The following ZNF317 variants were observed in gnomAD, a reference collection of about 807,000 sequenced individuals.
ZNF317 encodes the protein zinc finger protein 317.
A neutral mutation model predicts 23.4 loss-of-function variants in ZNF317; 17 were observed. The observed-to-expected ratio is 0.73, with a 90% confidence interval of 0.50 to 1.09. ZNF317 has a LOEUF of 1.09. Ranked by LOEUF, ZNF317 falls within the 50% of genes least tolerant of loss-of-function variation. ZNF317 has a pLI of 0.00. For missense variants in ZNF317, 679 were observed against 796.7 expected (o/e 0.85, Z 1.78); for synonymous variants, 317 against 314.9 (o/e 1.01, Z -0.07).
intron 3 of ZNF317, 81 bp from the exon 4 acceptor site, chr19:9,157,187 C>G (rs2050792823): frequency 6.4e-7 from 1 of 1,556,560 alleles, no homozygotes; most frequent in Non-Finnish European, 8.7e-7. Flanking sequence ...TCTCTCATGC[C>G]CGGTCTTCAA....
chr19:9,157,429 A>C (rs758979534), intron 4 of ZNF317, 35 bp downstream of exon 4: 2 of 1,612,424 alleles, frequency 1.2e-6, no homozygotes, highest in South Asian at 2.2e-5. Flanking sequence ...TTATTCATCC[A>C]TGAATTAGAT....
chr19:9,150,401 A>G (rs1454059634), intron 1 of ZNF317, among the ~76,000 whole-genome samples: 3 of 152,154 alleles, frequency 2.0e-5, no homozygotes, highest in Admixed American at 2.0e-4. Context: ...GTTTTGATGA[A>G]CTGACTCTTG....
chr19:9,157,920 C>T lies in ZNF317; in HGVS notation c.290-60C>T, dbSNP rs536738931. 524 of 1,525,044 alleles carry T rather than the reference C, an allele frequency of 3.4e-4. 6 individuals carry two copies. In the South Asian group the frequency reaches 6.3e-3, roughly 18 times the overall value. The allele number at this position is 1,525,044 out of a possible 1,614,324, so 94.5% of individuals were successfully genotyped here. ...AGACCCAAGTGTTGAGCCCAGGCTA[C>T]TGGAAGGGGTTGTCCTCTGCATGGC... is the stretch of plus-strand genomic sequence containing the variant. On this transcript the variant is annotated intron_variant, in intron 4 of 6. Coordinates refer to ENST00000247956, the MANE Select transcript of ZNF317 (RefSeq NM_020933.5).
At chr19:9,156,165 G>A (rs911402300) in intron 2 of ZNF317, 124 bp downstream of exon 2, 1 of 1,299,118 alleles carries the variant, frequency 7.7e-7, no homozygotes, top group Non-Finnish European at 1.1e-6. Flanking sequence ...TGGAAAAGGG[G>A]TGGGAACAGA....
At chr19:9,149,847 G>A (rs1042130224) in intron 1 of ZNF317, among the ~76,000 whole-genome samples, 1 of 152,126 alleles carries the variant, frequency 6.6e-6, no homozygotes, top group African/African-American at 2.4e-5. Flanking sequence ...ACAGCAGCTG[G>A]GAGACCAGTT....
intron 1 of ZNF317, among the ~76,000 whole-genome samples, chr19:9,153,977 T>A (rs1321170909): frequency 6.6e-6 from 1 of 152,084 alleles, no homozygotes; most frequent in Non-Finnish European, 1.5e-5. Context: ...CAAGATGGGA[T>A]AGACCTGAGC....
At chr19:9,156,540 T>G in intron 2 of ZNF317, 72 bp from the exon 3 acceptor site, 1 of 1,551,940 alleles carries the variant, frequency 6.4e-7, no homozygotes, top group Non-Finnish European at 8.7e-7. Context: ...TGGAGCAGTT[T>G]CCTGGTTTAC....
intron 2 of ZNF317, 54 bp downstream of exon 2, chr19:9,156,095 C>T (rs1243154767): frequency 6.2e-7 from 1 of 1,606,236 alleles, no homozygotes; most frequent in Non-Finnish European, 8.5e-7. Flanking sequence ...GTGGCCCCTG[C>T]CACTTGATGG....
chr19:9,152,653 C>T (rs1397294881), intron 1 of ZNF317, among the ~76,000 whole-genome samples: 1 of 152,208 alleles, frequency 6.6e-6, no homozygotes, highest in East Asian at 1.9e-4. Flanking sequence ...CAGGAAAACA[C>T]TCTCAGGGCT....
chr19:9,146,448 C>G (rs1220533935), intron 1 of ZNF317, among the ~76,000 whole-genome samples: 1 of 137,682 alleles, frequency 7.3e-6, no homozygotes, highest in Non-Finnish European at 1.5e-5. Context: ...TTTTTTGAGG[C>G]AGTGTCTCAT....
At chr19:9,141,128 G>A (rs1026188604) in intron 1 of ZNF317, among the ~76,000 whole-genome samples, 1 of 151,902 alleles carries the variant, frequency 6.6e-6, no homozygotes, top group Non-Finnish European at 1.5e-5. Context: ...TCAACATTTT[G>A]TTAATTAACT....
Position 9,161,099 on chromosome 19 carries a change from A to C in ZNF317, c.1454A>C (p.Asp485Ala). The C allele has an allele frequency of 6.2e-7, 1 of 1,614,228 alleles. No homozygotes were observed. Among genetic ancestry groups the C allele is most frequent in the African/African-American group, 1.3e-5 (1 of 75,064 alleles). ...GCCGCCTGCGGGAAAGTCTTCGGTG[A>C]CTATTTATCCCGGCGGAGGCACATG... ...ECAACGKVFG[D>A]YLSRRRHMSV... Residue 485 changes from aspartate to alanine, a missense_variant, in exon 7 of 7, where the codon GAC (aspartate) becomes GCC (alanine). Coordinates refer to ENST00000247956, the MANE Select transcript of ZNF317 (RefSeq NM_020933.5). The surrounding 1 kb of genome is among the most constrained non-coding windows in gnomAD (Gnocchi z 4.0).
In ZNF317 at chr19:9,160,427, A is replaced by G; in HGVS notation, c.782A>G (p.Asp261Gly). 6.2e-7 allele frequency: 1 copy of G among 1,613,734 alleles called. No individual in the cohort carries two copies. Among genetic ancestry groups the G allele is most frequent in the Non-Finnish European group, 8.5e-7 (1 of 1,179,904 alleles). The change falls in exon 7 of 7, where the codon GAC (aspartate) becomes GGC (glycine). Residue 261 changes from aspartate (D) to glycine (G), a missense_variant. Coordinates refer to ENST00000247956, the MANE Select transcript of ZNF317 (RefSeq NM_020933.5). The surrounding 1 kb of genome is among the most constrained non-coding windows in gnomAD (Gnocchi z 6.8). ...ECSDCGKAFNDPSALRSHART... is the reference protein window; with the variant it reads ...ECSDCGKAFNGPSALRSHART... ...AGCGACTGCGGGAAAGCCTTCAACG[A>G]CCCTTCAGCCCTTAGGAGCCACGCA...
chr19:9,156,254 A>G (rs1355344773), intron 2 of ZNF317, among the ~76,000 whole-genome samples: 1 of 152,172 alleles, frequency 6.6e-6, no homozygotes, highest in Non-Finnish European at 1.5e-5. Context: ...CTTATCATTC[A>G]TGCATGAAGA....
At chr19:9,150,096 G>A in intron 1 of ZNF317, among the ~76,000 whole-genome samples, 1 of 152,296 alleles carries the variant, frequency 6.6e-6, no homozygotes, top group Non-Finnish European at 1.5e-5. Flanking sequence ...GGGGAGGCTG[G>A]TGGCAGCACA....
At position 9,161,707 on chromosome 19, in the gene ZNF317, A is replaced by G. The variant is rs1473030762; in HGVS notation, c.*274A>G. 9 of 397,940 alleles carry G rather than the reference A, an allele frequency of 2.3e-5. No individual in the cohort carries two copies. 24.7% of individuals were successfully genotyped at this position (397,940 alleles called of 1,614,324 possible). On this transcript the variant is annotated 3_prime_UTR_variant, in exon 7 of 7. Coordinates refer to ENST00000247956, the MANE Select transcript of ZNF317 (RefSeq NM_020933.5). The surrounding 1 kb of genome is among the most constrained non-coding windows in gnomAD (Gnocchi z 4.0). ...AACAAACACAGGAGGACTTAATGGC[A>G]GCTTGGCATTTAATGTCAAAATCCA...
rs2050777283 is a variant in ZNF317 at position 9,155,907 on chromosome 19, T to C, written c.-92-18T>C. On this transcript the variant is annotated intron_variant, in intron 1 of 6. Coordinates refer to ENST00000247956, the MANE Select transcript of ZNF317 (RefSeq NM_020933.5). Reference sequence around the variant, plus strand: ...AGATAGCCTTTCACTACTCCCGATGTTCTTTCATTTGCTACAGATGCCAGC... The same window carrying C: ...AGATAGCCTTTCACTACTCCCGATGCTCTTTCATTTGCTACAGATGCCAGC... The C allele has an allele frequency of 7.3e-7, 1 of 1,372,126 alleles. No individual in the cohort carries two copies. Among genetic ancestry groups the C allele is most frequent in the African/African-American group, 1.4e-5 (1 of 70,202 alleles). 85.0% of individuals were successfully genotyped at this position (1,372,126 alleles called of 1,614,324 possible). A position where few individuals can be genotyped will look rare whatever the true frequency, so the allele number is the denominator to read the frequency against.
intron 4 of ZNF317, 88 bp downstream of exon 4, chr19:9,157,482 G>C: frequency 6.5e-7 from 1 of 1,541,418 alleles, no homozygotes; most frequent in Non-Finnish European, 8.8e-7. Context: ...ACTATGCAGC[G>C]GTTCAGAACG....
At chr19:9,156,338 G>A (rs2050782354) in intron 2 of ZNF317, among the ~76,000 whole-genome samples, 3 of 152,082 alleles carry the variant, frequency 2.0e-5, no homozygotes, top group African/African-American at 7.2e-5. Context: ...CACAACTCTA[G>A]CTCTCAGAAC....
Sources: allele counts gnomAD v4.1 joint callset (sites outside exome capture counted in the v4.1 genomes callset), GRCh38; gene constraint gnomAD v4.1.1; non-coding constraint Gnocchi (gnomAD v3.1); transcripts MANE v1.5; gene names NCBI Gene and HGNC (gene_info 2026-07-23, HGNC 2026-07-21).